The following NOS3 variants were observed in gnomAD, a reference collection of about 807,000 sequenced individuals.
NOS3 encodes the protein NOS type III.
A neutral mutation model predicts 144.9 loss-of-function variants in NOS3; 98 were observed. That is an observed-to-expected ratio of 0.68 (90% CI 0.57 to 0.80). The LOEUF is 0.80. NOS3 is among the 30% of genes least tolerant of loss of function. The pLI is 0.00. For missense variants in NOS3, 1,465 were observed against 1,656.4 expected, an observed-to-expected ratio of 0.88 and a Z score of 2.01; for synonymous variants, 714 against 702.4, an observed-to-expected ratio of 1.02 and a Z score of -0.26.
At position 151,001,804 on chromosome 7, in the gene NOS3, A is replaced by G; in HGVS notation, c.1503-17A>G. 1 of 1,613,260 alleles carries G rather than the reference A, an allele frequency of 6.2e-7. No homozygotes were observed. The highest frequency in any genetic ancestry group is 8.5e-7 in the Non-Finnish European group (1 of 1,179,882). On this transcript the variant is annotated splice_polypyrimidine_tract_variant and intron_variant, in intron 12 of 26. Transcript: ENST00000297494. Reference sequence around the variant, plus strand: ...CTCTGTGCACCCAGGACACCCTCACACCTTCCTCTCCCGCAGCGCCGTGAA... The same window carrying G: ...CTCTGTGCACCCAGGACACCCTCACGCCTTCCTCTCCCGCAGCGCCGTGAA...
Position 150,997,836 on chromosome 7 carries a change from CAT to C in NOS3, c.583-520_583-519del, listed in dbSNP as rs892321531. Reference sequence around the variant, plus strand: ...CACTCCCCTGCCCCTGTCACTGACACATGTTTCCTCCTCCCTCAGGCAGGAGT... The same window carrying C: ...CACTCCCCTGCCCCTGTCACTGACACGTTTCCTCCTCCCTCAGGCAGGAGT... On this transcript the variant is annotated intron_variant, in intron 5 of 26. Coordinates refer to ENST00000297494, the MANE Select transcript of NOS3 (RefSeq NM_000603.5). Among the ~76,000 whole-genome samples, 70 of 152,332 alleles carry C rather than the reference CAT, an allele frequency of 4.6e-4. 2 individuals are homozygous for C. Among genetic ancestry groups the C allele is most frequent in the Admixed American group, 2.4e-3 (37 of 15,310 alleles).
intron 9 of NOS3, 42 bp downstream of exon 9, chr7:150,999,406 C>T (rs1391343758): frequency 6.6e-7 from 1 of 1,521,098 alleles, no homozygotes; most frequent in East Asian, 2.3e-5. Flanking sequence ...TGCACCTGTC[C>T]AAGGCAGGAG....
At chr7:151,005,823 T>G (rs1183957896) in intron 14 of NOS3, among the ~76,000 whole-genome samples, 1 of 150,956 alleles carries the variant, frequency 6.6e-6, no homozygotes, top group Non-Finnish European at 1.5e-5. Flanking sequence ...AGCCCAGGAG[T>G]TCAAGGCCAG....
At position 151,001,590 on chromosome 7, in the gene NOS3, GGAA is replaced by G; in HGVS notation, c.1481_1483del (p.Lys494del). ...GCCGCCAAGGGCACCGGCATCACCA[GGAA>G]GAAGACCTTTAAAGAAGTGGCCAAG... On this transcript the variant is annotated inframe_deletion, in exon 12 of 27. Coordinates refer to ENST00000297494, the MANE Select transcript of NOS3 (RefSeq NM_000603.5). 2 of 1,614,008 alleles carry G rather than the reference GGAA, an allele frequency of 1.2e-6. No individual in the cohort carries two copies. Among genetic ancestry groups the G allele is most frequent in the Non-Finnish European group, 1.7e-6 (2 of 1,180,016 alleles).
intron 25 of NOS3, 40 bp downstream of exon 25, chr7:151,013,419 GGA>G (rs748308136): frequency 3.8e-6 from 6 of 1,582,756 alleles, no homozygotes; most frequent in African/African-American, 2.7e-5. Flanking sequence ...CTGAAGATAG[GGA>G]GAGAGGGGAG....
Position 150,996,752 on chromosome 7 carries a change from C to G in NOS3, c.420-11C>G. 1 of 1,611,446 alleles carries G rather than the reference C, an allele frequency of 6.2e-7. No individual in the cohort carries two copies. Among genetic ancestry groups the G allele is most frequent in the Non-Finnish European group, 8.5e-7 (1 of 1,179,476 alleles). Reference sequence around the variant, plus strand: ...TCCTGCTTGTCCCCTTCCCACCCCTCTCCTCCCCAGGAGCGGCTCCCAGGC... The same window carrying G: ...TCCTGCTTGTCCCCTTCCCACCCCTGTCCTCCCCAGGAGCGGCTCCCAGGC... On this transcript the variant is annotated splice_polypyrimidine_tract_variant and intron_variant, in intron 4 of 26. Coordinates refer to ENST00000297494, the MANE Select transcript of NOS3 (RefSeq NM_000603.5).
Position 151,007,234 on chromosome 7 carries a change from C to A in NOS3, c.2070C>A (p.Gly690=). The change falls in exon 17 of 27, where the codon GGC becomes GGA. Residue 690 remains glycine (G), a synonymous_variant. Coordinates refer to ENST00000297494, the MANE Select transcript of NOS3 (RefSeq NM_000603.5). The part of the protein sequence containing the change: ...LQLGQGDELC[G]QEEAFRGWAQ... ...TGGGCCAGGGCGACGAGCTGTGCGG[C>A]CAGGAGGAGGCCTTCCGAGGCTGGG... is the stretch of plus-strand genomic sequence containing the variant. The A allele has an allele frequency of 6.2e-7, 1 of 1,608,084 alleles. No homozygotes were observed. Among genetic ancestry groups the A allele is most frequent in the Non-Finnish European group, 8.5e-7 (1 of 1,179,328 alleles).
chr7:151,001,299 G>T lies in NOS3; in HGVS notation c.1302G>T (p.Glu434Asp). The T allele has an allele frequency of 6.2e-7, 1 of 1,613,818 alleles. No individual in the cohort carries two copies. Among genetic ancestry groups the T allele is most frequent in the African/African-American group, 1.3e-5 (1 of 75,058 alleles). ...TASFMKHLEN[E>D]QKARGGCPAD... ...CTTTCATGAAGCACCTGGAGAATGA[G>T]CAGAAGGCCAGGGGGGGCTGCCCTG... The change falls in exon 11 of 27, where the codon GAG becomes GAT. Residue 434 changes from glutamate to aspartate, a missense_variant. Physicochemically the swap from Glu to Asp is conservative, Grantham distance 45. Coordinates refer to ENST00000297494, the MANE Select transcript of NOS3 (RefSeq NM_000603.5).
In NOS3 at chr7:150,999,219, G is replaced by T; in HGVS notation, c.986G>T (p.Arg329Leu). The change falls in exon 9 of 27, where the codon CGC (arginine) becomes CTC (leucine). Residue 329 changes from arginine to leucine, a missense_variant. Physicochemically the swap from Arg to Leu is moderately radical, Grantham distance 102. Transcript: ENST00000297494. Reference protein sequence around the residue: ...TLEWFAALGLRWYALPAVSNM... With the variant: ...TLEWFAALGLLWYALPAVSNM... ...GAGTGGTTTGCAGCCCTGGGCCTGCGCTGGTACGCCCTCCCGGCAGTGTCC... is the reference window on the plus strand; with the variant it reads ...GAGTGGTTTGCAGCCCTGGGCCTGCTCTGGTACGCCCTCCCGGCAGTGTCC... 1 of 1,610,940 alleles carries T rather than the reference G, an allele frequency of 6.2e-7. No homozygotes were observed.
rs755336683 is a variant in NOS3, at chr7:151,010,766, A to G, written c.2855A>G (p.Glu952Gly). 6 of 1,613,268 alleles carry G rather than the reference A, an allele frequency of 3.7e-6. No homozygotes were observed. In the South Asian group the frequency reaches 6.6e-5, roughly 18 times the overall value. The change falls in exon 22 of 27, where the codon GAG becomes GGG. Residue 952 changes from glutamate to glycine, a missense_variant. This residue lies in a region of NOS3 where 106 missense variants were observed against 167.7 expected (regional missense o/e 0.63). Transcript: ENST00000297494. ...TCGGCACCCAGCACCCACCCAGGAGAGATCCACCTCACTGTAGCTGTGCTG... is the reference window on the plus strand; with the variant it reads ...TCGGCACCCAGCACCCACCCAGGAGGGATCCACCTCACTGTAGCTGTGCTG... ...VSSAPSTHPG[E>G]IHLTVAVLAY...
intron 24 of NOS3, chr7:151,012,897 AT>A (rs1167913005): frequency 2.2e-5 from 8 of 370,884 alleles, no homozygotes; most frequent in African/African-American, 1.7e-4. Flanking sequence ...GAGGAGAGTT[AT>A]AAGTATGGGA....
At chr7:150,999,398 C>T in intron 9 of NOS3, 34 bp downstream of exon 9, 9 of 1,532,142 alleles carry the variant, frequency 5.9e-6, no homozygotes, top group Non-Finnish European at 7.9e-6. Context: ...GCACCGAATG[C>T]ACCTGTCCAA....
intron 3 of NOS3, among the ~76,000 whole-genome samples, 186 bp from the exon 4 acceptor site, chr7:150,996,218 A>C (rs1344364830): frequency 8.6e-4 from 2 of 2,336 alleles, no homozygotes; most frequent in African/African-American, 4.1e-3. Flanking sequence ...TCCCCGTCCC[A>C]CCCCTGCACT....
At chr7:150,999,141 C>G (rs1348329824) in intron 8 of NOS3, 49 bp from the exon 9 acceptor site, 2 of 1,611,512 alleles carry the variant, frequency 1.2e-6, no homozygotes, top group Non-Finnish European at 1.7e-6. Flanking sequence ...CTGAGCCTCT[C>G]AAGAAGGGCC....
At position 151,009,598 on chromosome 7, in the gene NOS3, C is replaced by CCCATGCCCA; in HGVS notation, c.2512+13_2512+14insCCATGCCCA. Reference sequence around the variant, plus strand: ...AAGGGCAGCCCTGGTGAGGGGCAGCCTGGGAAGCAACAGGGCACACCAGCC... The same window carrying CCCATGCCCA: ...AAGGGCAGCCCTGGTGAGGGGCAGCCCCATGCCCATGGGAAGCAACAGGGCACACCAGCC... On this transcript the variant is annotated intron_variant, in intron 20 of 26. Coordinates refer to ENST00000297494, the MANE Select transcript of NOS3 (RefSeq NM_000603.5). The CCCATGCCCA allele has an allele frequency of 6.6e-7, 1 of 1,515,366 alleles. No individual in the cohort carries two copies. Among genetic ancestry groups the CCCATGCCCA allele is most frequent in the East Asian group, 2.5e-5 (1 of 40,476 alleles). 93.9% of individuals were successfully genotyped at this position (1,515,366 alleles called of 1,614,324 possible).
At chr7:151,011,886 C>G (rs1003837330) in intron 23 of NOS3, 3 of 410,668 alleles carry the variant, frequency 7.3e-6, no homozygotes, top group Admixed American at 5.7e-5. Context: ...TGCCCGCTCT[C>G]GCAGCCAGGA....
intron 17 of NOS3, 141 bp from the exon 18 acceptor site, chr7:151,008,789 A>G (rs1010042632): frequency 1.5e-5 from 14 of 949,112 alleles, no homozygotes; most frequent in Admixed American, 3.3e-5. Context: ...GCTGGCGGAA[A>G]AGGTGCTGTC....
rs369652420 is a variant in NOS3, at chr7:151,010,139, G to C, written c.2537G>C (p.Arg846Pro). 1 of 1,607,330 alleles carries C rather than the reference G, an allele frequency of 6.2e-7. No individual in the cohort carries two copies. Among genetic ancestry groups the C allele is most frequent in the Non-Finnish European group, 8.5e-7 (1 of 1,177,190 alleles). ...GGTGGCCCTCCCCCCGGCTGGGTGC[G>C]GGACCCCCGGCTGCCCCCGTGCACG... ...SPGGPPPGWV[R>P]DPRLPPCTLR... The change falls in exon 21 of 27, where the codon CGG becomes CCG. Residue 846 changes from arginine to proline, a missense_variant. Around this residue, in one of 5 missense-constraint regions of NOS3, gnomAD observed 745 missense variants for 853.9 expected, o/e 0.87. Coordinates refer to ENST00000297494, the MANE Select transcript of NOS3 (RefSeq NM_000603.5).
rs1795130283 is a variant in NOS3, at chr7:151,002,440, ACACACACACACACG to A, written c.1752+138_1752+151del. 4.1e-6 allele frequency: 2 copies of A among 483,866 alleles called. No individual in the cohort carries two copies. The highest frequency in any genetic ancestry group is 4.5e-5 in the African/African-American group (2 of 44,854). The allele number at this position is 483,866 out of a possible 1,614,324, so 30.0% of individuals were successfully genotyped here. A position where few individuals can be genotyped will look rare whatever the true frequency, so the allele number is the denominator to read the frequency against. ...CACACACACACACACACACACACAC[ACACACACACACACG>A]CCAGGATGGAAAGGGAGATGCTAAG... On this transcript the variant is annotated intron_variant, in intron 14 of 26. Transcript: ENST00000297494. The surrounding 1 kb of genome is among the most constrained non-coding windows in gnomAD (Gnocchi z 4.1).
Sources: gnomAD v4.1 joint callset for allele counts (sites outside exome capture counted in the v4.1 genomes callset) on GRCh38, gnomAD v4.1.1 for gene constraint, gnomAD v4.1.1 regional missense constraint, Gnocchi (gnomAD v3.1) non-coding constraint, MANE v1.5 for transcripts, NCBI Gene and HGNC (gene_info 2026-07-23, HGNC 2026-07-21) for gene names.